Variants in TACC1 observed in about 807,000 individuals in gnomAD.
TACC1 encodes transforming acidic coiled-coil-containing protein 1.
A neutral mutation model predicts 84.4 loss-of-function variants in TACC1; 48 were observed. The observed-to-expected ratio is 0.57, with a 90% confidence interval of 0.45 to 0.72. TACC1 has a LOEUF of 0.72. Among genes scored for constraint, TACC1 ranks in the 30% least tolerant of loss-of-function variants. The pLI is 0.00. For missense variants in TACC1, 920 were observed against 973.0 expected, an observed-to-expected ratio of 0.95 and a Z score of 0.72; for synonymous variants, 372 against 376.3, an observed-to-expected ratio of 0.99 and a Z score of 0.13.
intron 1 of TACC1, among the ~76,000 whole-genome samples, chr8:38,736,293 A>G (rs1455692873): frequency 2.0e-5 from 3 of 152,158 alleles, no homozygotes; most frequent in Non-Finnish European, 4.4e-5. Flanking sequence ...ATAATAAAAC[A>G]TTGTTCCAAA....
chr8:38,787,777 G>A, intron 1 of TACC1, 34 bp downstream of exon 1: 1 of 1,481,906 alleles, frequency 6.7e-7, no homozygotes, highest in Non-Finnish European at 8.9e-7. Context: ...AGATGCAGAC[G>A]CGCTTGCCTC....
chr8:38,765,876 AT>A (rs1014329805), intron 3 of TACC1, among the ~76,000 whole-genome samples: 19 of 142,314 alleles, frequency 1.3e-4, no homozygotes, highest in Middle Eastern at 3.7e-3. Context: ...TTTCTCATAG[AT>A]TTTTTTTTTA....
intron 1 of TACC1, among the ~76,000 whole-genome samples, chr8:38,733,156 C>T (rs965123753): frequency 1.3e-5 from 2 of 152,122 alleles, no homozygotes; most frequent in African/African-American, 4.8e-5. Context: ...TCATCCCAGG[C>T]CACTCAAGAT....
chr8:38,760,443 A>C (rs780169684), intron 3 of TACC1, among the ~76,000 whole-genome samples: 2 of 152,152 alleles, frequency 1.3e-5, no homozygotes, highest in Admixed American at 6.5e-5. Flanking sequence ...ATCACTTAGG[A>C]GGTTAGTTTA....
At chr8:38,825,058 C>T (rs2152248087) in intron 3 of TACC1, among the ~76,000 whole-genome samples, 1 of 152,292 alleles carries the variant, frequency 6.6e-6, no homozygotes, top group East Asian at 1.9e-4. Context: ...TTTGACAACT[C>T]ATAGAAGCAA....
chr8:38,743,166 A>G (rs1446746815), intron 2 of TACC1, among the ~76,000 whole-genome samples: 1 of 152,170 alleles, frequency 6.6e-6, no homozygotes, highest in South Asian at 2.1e-4. Flanking sequence ...GTTAGGGTAC[A>G]GATTTGCAAG....
At chr8:38,813,675 G>A (rs6474503) in intron 2 of TACC1, among the ~76,000 whole-genome samples, 3,605 of 152,228 alleles carry the variant, frequency 0.024, 130 homozygotes, top group African/African-American at 0.075. Context: ...CTTATATGCA[G>A]GTTTTCTCTT....
At chr8:38,772,023 AAAAG>A (rs931951604) in intron 3 of TACC1, among the ~76,000 whole-genome samples, 1 of 143,082 alleles carries the variant, frequency 7.0e-6, no homozygotes. Context: ...GAAAGAAAGA[AAAAG>A]AGAGAGAGAG....
chr8:38,755,586 C>T (rs1025462115), intron 3 of TACC1, among the ~76,000 whole-genome samples: 3 of 151,766 alleles, frequency 2.0e-5, no homozygotes, highest in Admixed American at 6.6e-5. Context: ...CACCTGTGGT[C>T]CCAGCTGCTG....
rs1000537751 is a variant in TACC1 at position 38,810,443 on chromosome 8, C to A, written c.278-9079C>A. Among the ~76,000 whole-genome samples, 9 of 151,492 alleles carry A rather than the reference C, an allele frequency of 5.9e-5. No individual in the cohort carries two copies. In the East Asian group the frequency reaches 1.2e-3, roughly 20 times the overall value. The stretch of plus-strand genomic sequence containing the variant: ...TAATAAGACCCCATTTCTACAAATT[C>A]TTTTTTTTAATTAGCTGGGCACACT... On this transcript the variant is annotated intron_variant, in intron 2 of 12. Transcript: ENST00000317827.
At position 38,849,181 on chromosome 8, in the gene TACC1, G is replaced by A. The variant is rs868666565; in HGVS notation, c.*1158G>A. ...TAAGACAGAATTTTTAACAAAATGA[G>A]CAGTAAAAGTCACATGAACCACTCC... On this transcript the variant is annotated 3_prime_UTR_variant, in exon 13 of 13. Transcript: ENST00000317827. The A allele has an allele frequency of 2.7e-5, 4 of 150,020 alleles. No individual in the cohort carries two copies. In the South Asian group the frequency reaches 8.5e-4, roughly 32 times the overall value. 9.3% of individuals were successfully genotyped at this position (150,020 alleles called of 1,614,324 possible).
intron 2 of TACC1, chr8:38,743,937 A>AGAG (rs1385773982): frequency 6.6e-6 from 1 of 152,304 alleles, no homozygotes; most frequent in Admixed American, 6.5e-5. Flanking sequence ...GGGCAGGTTC[A>AGAG]GAGCCTCCAT....
intron 2 of TACC1, among the ~76,000 whole-genome samples, chr8:38,809,184 G>T (rs1309452372): frequency 4.6e-5 from 7 of 152,034 alleles, no homozygotes; most frequent in African/African-American, 1.7e-4. Flanking sequence ...CCCTATCACT[G>T]ATGCTAACTT....
chr8:38,787,775 A>G, intron 1 of TACC1, 32 bp downstream of exon 1: 1 of 1,487,312 alleles, frequency 6.7e-7, no homozygotes, highest in Non-Finnish European at 8.9e-7. Flanking sequence ...TGAGATGCAG[A>G]CGCGCTTGCC....
rs909068568 is a variant in TACC1 at position 38,825,891 on chromosome 8, T to G, written c.1452+523T>G. 2.0e-5 allele frequency among the ~76,000 whole-genome samples: 3 copies of G among 152,216 alleles called. No individual in the cohort carries two copies. The East Asian group carries it at 5.8e-4, about 29-fold the overall frequency. Reference sequence around the variant, plus strand: ...ACAGAACTACTTTCTGTTTCATCTATTGTTTATATAAATAAGGTTTCTTAA... The same window carrying G: ...ACAGAACTACTTTCTGTTTCATCTAGTGTTTATATAAATAAGGTTTCTTAA... On this transcript the variant is annotated intron_variant, in intron 4 of 12. Coordinates refer to ENST00000317827, the MANE Select transcript of TACC1 (RefSeq NM_006283.3).
chr8:38,785,294 A>G (rs1250369962), upstream of TACC1, among the ~76,000 whole-genome samples: 2 of 152,238 alleles, frequency 1.3e-5, no homozygotes, highest in Non-Finnish European at 2.9e-5. Flanking sequence ...GTGAACACAC[A>G]GATTTCCAGA....
intron 2 of TACC1, among the ~76,000 whole-genome samples, chr8:38,794,801 A>G (rs1819589012): frequency 6.6e-6 from 1 of 152,316 alleles, no homozygotes; most frequent in African/African-American, 2.4e-5. Flanking sequence ...AGAGTTTCCT[A>G]GAAATAATGG....
intron 3 of TACC1, among the ~76,000 whole-genome samples, chr8:38,774,230 C>G (rs1814321981): frequency 6.6e-6 from 1 of 152,204 alleles, no homozygotes. Flanking sequence ...ATGCCGTCCA[C>G]CAGCCATTCT....
At position 38,733,552 on chromosome 8, in the gene TACC1, G is replaced by A. The variant is rs528591168; in HGVS notation, c.-675+4881G>A. Among the ~76,000 whole-genome samples the A allele has an allele frequency of 1.1e-3, 169 of 152,112 alleles. 1 individual carries two copies. The highest frequency in any genetic ancestry group is 9.8e-3 in the South Asian group (47 of 4,812). On this transcript the variant is annotated intron_variant, in intron 1 of 14. Transcript: ENST00000518415. ...TCTCCTTTCTGATGGTCTGAGGTCC[G>A]GACTGCAGGCTTTTGCTGTGTTCCT...
Sources: allele counts gnomAD v4.1 joint callset (sites outside exome capture counted in the v4.1 genomes callset), GRCh38; gene constraint gnomAD v4.1.1; transcripts MANE v1.5; gene names NCBI Gene and HGNC (gene_info 2026-07-23, HGNC 2026-07-21).